The following ACVR2A variants were observed in gnomAD, a reference collection of about 807,000 sequenced individuals.
ACVR2A encodes activin A receptor type 2A, also known as activin receptor type-2A.
In ACVR2A, 7 loss-of-function variants were observed where a neutral mutation model predicts 61.4. The observed-to-expected ratio is 0.11, with a 90% CI of 0.06 to 0.21. The LOEUF (loss-of-function observed/expected upper bound fraction) is 0.21. Among genes scored for constraint, ACVR2A ranks in the 10% least tolerant of loss-of-function variants. The pLI is 1.00. For synonymous variants in ACVR2A, 193 were observed against 208.3 expected (o/e 0.93, Z 0.63); for missense variants, 322 against 621.7 (o/e 0.52, Z 5.13).
chr2:147,881,889 T>G (rs570022643), intron 1 of ACVR2A, among the ~76,000 whole-genome samples: 1 of 152,090 alleles, frequency 6.6e-6, no homozygotes, highest in African/African-American at 2.4e-5. Flanking sequence ...GAAATTTAAG[T>G]CCTCTAAAAA....
intron 1 of ACVR2A, among the ~76,000 whole-genome samples, chr2:147,852,660 G>A (rs1196770245): frequency 6.6e-6 from 1 of 152,044 alleles, no homozygotes; most frequent in Admixed American, 6.6e-5. Flanking sequence ...ACACACGAAG[G>A]CGCTGAAACA....
At chr2:147,916,871 A>T (rs1010496117) in intron 5 of ACVR2A, among the ~76,000 whole-genome samples, 1 of 151,842 alleles carries the variant, frequency 6.6e-6, no homozygotes, top group African/African-American at 2.4e-5. Flanking sequence ...TGAAAAGAAG[A>T]AGTTTTCTAT....
At chr2:147,884,469 A>G (rs1018273594) in intron 1 of ACVR2A, among the ~76,000 whole-genome samples, 13 of 152,194 alleles carry the variant, frequency 8.5e-5, no homozygotes, top group African/African-American at 3.1e-4. Flanking sequence ...GAAGATGCCT[A>G]ACTTATTCTG....
chr2:147,860,345 T>C (rs1345702799), intron 1 of ACVR2A, among the ~76,000 whole-genome samples: 2 of 152,078 alleles, frequency 1.3e-5, no homozygotes, highest in Non-Finnish European at 2.9e-5. Flanking sequence ...TGTTCCCAGG[T>C]GGCAATTTAC....
chr2:147,916,910 A>G (rs1419424261), intron 5 of ACVR2A, among the ~76,000 whole-genome samples: 2 of 151,970 alleles, frequency 1.3e-5, no homozygotes, highest in African/African-American at 4.8e-5. Context: ...CCGGAATTTC[A>G]TCTTTCAAGG....
At chr2:147,914,477 T>C (rs1687201139) in intron 4 of ACVR2A, among the ~76,000 whole-genome samples, 1 of 152,054 alleles carries the variant, frequency 6.6e-6, no homozygotes, top group Non-Finnish European at 1.5e-5. Context: ...CATATCCTGT[T>C]ATCTACTATG....
intron 4 of ACVR2A, chr2:147,902,873 G>A (rs965274925): frequency 2.0e-5 from 3 of 151,970 alleles, no homozygotes; most frequent in South Asian, 4.2e-4. Context: ...GTCTTGCTGC[G>A]GATTTTTGGA....
intron 1 of ACVR2A, 48 bp from the exon 2 acceptor site, chr2:147,896,253 T>C (rs1686730243): frequency 2.0e-6 from 3 of 1,516,782 alleles, no homozygotes; most frequent in Non-Finnish European, 9.0e-7. Context: ...AACAGTCTTT[T>C]ATTTTAACAG....
rs562194322 is a variant in ACVR2A at position 147,929,776 on chromosome 2, G to C, written c.*2502G>C. On this transcript the variant is annotated 3_prime_UTR_variant, in exon 11 of 11. Coordinates refer to ENST00000241416, the MANE Select transcript of ACVR2A (RefSeq NM_001616.5). The stretch of plus-strand genomic sequence containing the variant: ...ATGAGAAAAATGGTGATCCATTTTG[G>C]GGCAAACTGAGACCCCCCAAATAAC... 7.2e-5 allele frequency: 11 copies of C among 152,176 alleles called. No homozygotes were observed. The East Asian group carries it at 2.1e-3, about 30-fold the overall frequency. 9.4% of individuals were successfully genotyped at this position (152,176 alleles called of 1,614,324 possible).
chr2:147,906,479 C>A (rs978651326), intron 4 of ACVR2A, among the ~76,000 whole-genome samples: 12 of 152,048 alleles, frequency 7.9e-5, no homozygotes, highest in African/African-American at 2.9e-4. Context: ...AAGTGAGTTG[C>A]TTCAACAATT....
At chr2:147,877,665 CTTATT>C (rs1686193366) in intron 1 of ACVR2A, 1 of 152,064 alleles carries the variant, frequency 6.6e-6, no homozygotes, top group African/African-American at 2.4e-5. Context: ...AACAATTTTT[CTTATT>C]TTATTAGTTC....
chr2:147,886,429 A>G (rs1253114977), intron 1 of ACVR2A, among the ~76,000 whole-genome samples: 1 of 152,202 alleles, frequency 6.6e-6, no homozygotes, highest in Non-Finnish European at 1.5e-5. Context: ...TGATGATTTC[A>G]GACAGCATTA....
intron 1 of ACVR2A, among the ~76,000 whole-genome samples, chr2:147,848,761 C>T (rs1041572179): frequency 1.3e-5 from 2 of 151,916 alleles, no homozygotes; most frequent in Non-Finnish European, 2.9e-5. Context: ...CCCCATTATA[C>T]GAGTTTACCC....
chr2:147,911,059 G>A (rs1687098904), intron 4 of ACVR2A, among the ~76,000 whole-genome samples: 1 of 152,136 alleles, frequency 6.6e-6, no homozygotes, highest in South Asian at 2.1e-4. Context: ...CTATCAGAAA[G>A]TCTGAGAAAC....
chr2:147,916,251 G>A (rs1687247568), intron 5 of ACVR2A, among the ~76,000 whole-genome samples: 1 of 151,714 alleles, frequency 6.6e-6, no homozygotes, highest in African/African-American at 2.4e-5. Flanking sequence ...CAGAGAGAAA[G>A]TGTATTCTGT....
chr2:147,854,702 A>G (rs1685527133), intron 1 of ACVR2A, among the ~76,000 whole-genome samples: 2 of 152,338 alleles, frequency 1.3e-5, no homozygotes, highest in South Asian at 4.1e-4. Flanking sequence ...CTTGGGATAC[A>G]TTATTAAACA....
intron 1 of ACVR2A, among the ~76,000 whole-genome samples, chr2:147,872,794 CTT>C (rs1686057045): frequency 6.6e-6 from 1 of 151,094 alleles, no homozygotes; most frequent in African/African-American, 2.4e-5. Flanking sequence ...TTTCTTTTTC[CTT>C]TGTTAGAGGT....
intron 1 of ACVR2A, among the ~76,000 whole-genome samples, chr2:147,850,088 C>G (rs1685407954): frequency 6.6e-6 from 1 of 152,048 alleles, no homozygotes; most frequent in Admixed American, 6.6e-5. Flanking sequence ...CACTGGTATG[C>G]CTTAGCTTTT....
intron 1 of ACVR2A, among the ~76,000 whole-genome samples, chr2:147,862,373 G>A (rs185166115): frequency 0.034 from 5,149 of 151,896 alleles, 119 homozygotes; most frequent in Middle Eastern, 0.088. Flanking sequence ...AAGTAAATTT[G>A]TAGGTAAATC....
Sources: allele counts gnomAD v4.1 joint callset (sites outside exome capture counted in the v4.1 genomes callset), GRCh38; gene constraint gnomAD v4.1.1; transcripts MANE v1.5; gene names NCBI Gene and HGNC (gene_info 2026-07-23, HGNC 2026-07-21).